Variants in PDE1A observed in about 807,000 individuals in gnomAD.
PDE1A encodes phosphodiesterase 1A.
A neutral mutation model predicts 61.7 loss-of-function variants in PDE1A; 35 were observed. The observed-to-expected ratio is 0.57, with a 90% CI of 0.43 to 0.75. PDE1A has a LOEUF of 0.75. Among genes scored for constraint, PDE1A ranks in the 30% least tolerant of loss-of-function variants. PDE1A has a pLI of 0.00. For missense variants in PDE1A, 597 were observed against 630.6 expected (o/e 0.95, Z 0.57); for synonymous variants, 232 against 213.2 (o/e 1.09, Z -0.77).
chr2:182,194,254 G>A (rs773193559), intron 10 of PDE1A, among the ~76,000 whole-genome samples: 1 of 152,064 alleles, frequency 6.6e-6, no homozygotes, highest in Non-Finnish European at 1.5e-5. Context: ...CATTTTGATG[G>A]AAGTAACTAT....
intron 1 of PDE1A, among the ~76,000 whole-genome samples, chr2:182,342,840 C>G (rs1049880225): frequency 6.6e-6 from 1 of 152,190 alleles, no homozygotes; most frequent in Non-Finnish European, 1.5e-5. Context: ...TAGACTCTTT[C>G]ATACCTATAA....
the PDE1A span, among the ~76,000 whole-genome samples, chr2:182,551,218 T>G: frequency 3.3e-5 from 5 of 152,100 alleles, no homozygotes; most frequent in East Asian, 9.6e-4. Flanking sequence ...GGGAGAGGTA[T>G]CTTTTGACAA....
At chr2:182,487,847 G>A (rs1327559840) in intron 2 of PDE1A, among the ~76,000 whole-genome samples, 1 of 151,984 alleles carries the variant, frequency 6.6e-6, no homozygotes, top group African/African-American at 2.4e-5. Context: ...CTTTTACTTG[G>A]AGCTGACTTC....
Position 182,403,650 on chromosome 2 carries a change from C to CAGCCAT in PDE1A, c.53+22922_53+22927dup, listed in dbSNP as rs202065432. ...CACATATACACCATGGAATACTATG[C>CAGCCAT]AGCCATAAAAGGGATGAGTTCATGT... is the stretch of plus-strand genomic sequence containing the variant. On this transcript the variant is annotated intron_variant, in intron 1 of 13. Transcript: ENST00000351439. 9.6e-3 allele frequency among the ~76,000 whole-genome samples: 1,441 copies of CAGCCAT among 150,732 alleles called. 24 individuals carry two copies. The highest frequency in any genetic ancestry group is 0.033 in the African/African-American group (1,359 of 40,632).
chr2:182,185,312 T>C (rs1191361590), intron 13 of PDE1A, among the ~76,000 whole-genome samples: 1 of 152,156 alleles, frequency 6.6e-6, no homozygotes, highest in Admixed American at 6.5e-5. Flanking sequence ...TAATAACTGT[T>C]TGAATACTAA....
the PDE1A span, among the ~76,000 whole-genome samples, chr2:182,577,423 C>A: frequency 2.6e-5 from 4 of 152,170 alleles, no homozygotes; most frequent in Non-Finnish European, 5.9e-5. Flanking sequence ...GAAACTCTTT[C>A]CCCCAGATGG....
At chr2:182,325,643 C>T (rs184655873) in intron 1 of PDE1A, among the ~76,000 whole-genome samples, 8 of 152,250 alleles carry the variant, frequency 5.3e-5, no homozygotes, top group East Asian at 1.9e-4. Flanking sequence ...CCCAGCTGGG[C>T]GTGCTGCCTC....
chr2:182,479,520 A>AAGGAAGGGAGGAAGGAAGACAGGC (rs1687574082), intron 2 of PDE1A, among the ~76,000 whole-genome samples: 1 of 151,822 alleles, frequency 6.6e-6, no homozygotes, highest in Non-Finnish European at 1.5e-5. Flanking sequence ...GGCAGGCAAG[A>AAGGAAGGGAGGAAGGAAGACAGGC]AGGAAGGGAG....
chr2:182,626,838 CAT>C, the PDE1A span, among the ~76,000 whole-genome samples: 12 of 10,030 alleles, frequency 1.2e-3, no homozygotes, highest in South Asian at 0.019. Flanking sequence ...TATATATATA[CAT>C]ATATATACAT....
chr2:182,593,502 G>A, the PDE1A span, among the ~76,000 whole-genome samples: 2 of 152,136 alleles, frequency 1.3e-5, no homozygotes, highest in Non-Finnish European at 2.9e-5. Context: ...TAGTAGATAG[G>A]ATAATGTGGT....
intron 2 of PDE1A, among the ~76,000 whole-genome samples, chr2:182,468,856 G>C (rs1686841963): frequency 6.6e-6 from 1 of 151,970 alleles, no homozygotes; most frequent in South Asian, 2.1e-4. Flanking sequence ...TACATCACTA[G>C]CAGAGCTCCT....
At chr2:182,621,177 T>C in the PDE1A span, among the ~76,000 whole-genome samples, 1 of 152,252 alleles carries the variant, frequency 6.6e-6, no homozygotes, top group East Asian at 1.9e-4. Flanking sequence ...TCCCTTTCTA[T>C]CTTGGGTTCT....
the PDE1A span, among the ~76,000 whole-genome samples, chr2:182,685,449 C>T: frequency 6.6e-6 from 1 of 152,102 alleles, no homozygotes; most frequent in Non-Finnish European, 1.5e-5. Context: ...TCAATGGAAA[C>T]AACATTGACT....
chr2:182,177,122 A>C (rs1033703437), intron 13 of PDE1A, among the ~76,000 whole-genome samples: 1 of 150,752 alleles, frequency 6.6e-6, no homozygotes, highest in African/African-American at 2.4e-5. Flanking sequence ...ATCAATGTTC[A>C]TCAAGGATAT....
At chr2:182,205,008 C>T (rs1348902872) in intron 8 of PDE1A, among the ~76,000 whole-genome samples, 4 of 152,018 alleles carry the variant, frequency 2.6e-5, no homozygotes, top group Non-Finnish European at 4.4e-5. Context: ...TTATCTTTTA[C>T]GTTTTTTAAT....
At chr2:182,499,640 C>T (rs1286041700) in intron 2 of PDE1A, among the ~76,000 whole-genome samples, 1 of 152,222 alleles carries the variant, frequency 6.6e-6, no homozygotes, top group Non-Finnish European at 1.5e-5. Flanking sequence ...TCCTTGATAG[C>T]AATACCGAGA....
intron 1 of PDE1A, among the ~76,000 whole-genome samples, chr2:182,380,106 C>CT (rs1226939777): frequency 0.24 from 24,489 of 103,934 alleles, 3,940 homozygotes; most frequent in East Asian, 0.42. Context: ...CCCAGCTCCT[C>CT]TTTTTTTTTT....
chr2:182,300,378 G>A (rs940124629), intron 1 of PDE1A, among the ~76,000 whole-genome samples: 6 of 152,140 alleles, frequency 3.9e-5, no homozygotes, highest in Non-Finnish European at 8.8e-5. Context: ...CCTGGACTTG[G>A]TTCATTGATA....
rs182430905 is a variant in PDE1A, at chr2:182,452,993, A to T, written c.101+69283T>A. Among the ~76,000 whole-genome samples the T allele has an allele frequency of 3.2e-3, 485 of 152,256 alleles. 5 individuals carry two copies. The highest frequency in any genetic ancestry group is 0.011 in the African/African-American group (465 of 41,570). On this transcript the variant is annotated intron_variant, in intron 2 of 14. Coordinates refer to the PDE1A transcript ENST00000410103. The stretch of plus-strand genomic sequence containing the variant: ...TATTTTGCCATGGACAGTCCGCACA[A>T]ACAGATCCAAGCTGACCTATTAGAA...
Sources: gnomAD v4.1 joint callset for allele counts (sites outside exome capture counted in the v4.1 genomes callset) on GRCh38, gnomAD v4.1.1 for gene constraint, MANE v1.5 for transcripts, NCBI Gene and HGNC (gene_info 2026-07-23, HGNC 2026-07-21) for gene names.